Variants in IFT122 observed in about 807,000 individuals in gnomAD.
IFT122 encodes the protein intraflagellar transport 122.
IFT122 carries 118 observed loss-of-function variants against 161.6 expected under a neutral mutation model. The ratio of observed to expected loss-of-function variants is 0.73; its 90% CI spans 0.63 to 0.85. The LOEUF (loss-of-function observed/expected upper bound fraction) is 0.85. IFT122 is among the 40% of genes least tolerant of loss of function. IFT122 has a pLI of 0.00. For synonymous variants in IFT122, 550 were observed against 602.4 expected (o/e 0.91, Z 1.27); for missense variants, 1,381 against 1,579.6 (o/e 0.87, Z 2.13).
chr3:129,484,358 G>T (rs2079032700), intron 15 of IFT122, among the ~76,000 whole-genome samples: 1 of 152,176 alleles, frequency 6.6e-6, no homozygotes, highest in African/African-American at 2.4e-5. Flanking sequence ...AGAAACTGTA[G>T]CCTTCAGCAT....
At chr3:129,477,449 G>A (rs1451725299) in intron 11 of IFT122, among the ~76,000 whole-genome samples, 1 of 152,212 alleles carries the variant, frequency 6.6e-6, no homozygotes, top group Non-Finnish European at 1.5e-5. Flanking sequence ...GATCCAGGTT[G>A]GGGGTTGTCT....
At position 129,520,384 on chromosome 3, in the gene IFT122, G is replaced by GT. The variant is rs1259544816; in HGVS notation, c.*120dup. ...CTTGCCCAGATGAAGTTTGTGTTTT[G>GT]TGGGGGGGGCCTTGTGTAACCACGG... is the stretch of plus-strand genomic sequence containing the variant. On this transcript the variant is annotated 3_prime_UTR_variant, in exon 30 of 30. Transcript: ENST00000348417. 6.0e-6 allele frequency: 5 copies of GT among 836,340 alleles called. No individual in the cohort carries two copies. Among genetic ancestry groups the GT allele is most frequent in the Middle Eastern group, 2.2e-4 (1 of 4,538 alleles). 51.8% of individuals were successfully genotyped at this position (836,340 alleles called of 1,614,324 possible).
chr3:129,504,715 C>T lies in IFT122; in HGVS notation c.2650+294C>T, dbSNP rs73865465. Among the ~76,000 whole-genome samples the T allele has an allele frequency of 0.012, 1,777 of 152,278 alleles. 26 individuals carry two copies. Among genetic ancestry groups the T allele is most frequent in the African/African-American group, 0.04 (1,679 of 41,534 alleles). On this transcript the variant is annotated intron_variant, in intron 21 of 29. Transcript: ENST00000348417. ...TGCTGTGCACTGCAGTGTATCTTCCCGTTTAATCCTCGCAACAGCCCTATG... is the reference window on the plus strand; with the variant it reads ...TGCTGTGCACTGCAGTGTATCTTCCTGTTTAATCCTCGCAACAGCCCTATG...
rs578148039 is a variant in IFT122 at position 129,518,734 on chromosome 3, C to T, written c.3392-373C>T. On this transcript the variant is annotated intron_variant, in intron 27 of 29. Coordinates refer to ENST00000348417, the MANE Select transcript of IFT122 (RefSeq NM_052989.3). ...AGGTGAGTCTGACCCGCCCTGGGGT[C>T]AGCAGGGACTCTCGCCCCTGTCTGC... Among the ~76,000 whole-genome samples, 27 of 152,296 alleles carry T rather than the reference C, an allele frequency of 1.8e-4. No homozygotes were observed. In the South Asian group the frequency reaches 5.4e-3, roughly 30 times the overall value.
At chr3:129,507,586 GCCTGGC>G in intron 22 of IFT122, 76 bp from the exon 23 acceptor site, 2 of 1,026,552 alleles carry the variant, frequency 1.9e-6, no homozygotes, top group Non-Finnish European at 3.1e-6. Flanking sequence ...AAGTACTGTT[GCCTGGC>G]CCCTCCTCCT....
chr3:129,470,851 T>C (rs912950809), intron 9 of IFT122, among the ~76,000 whole-genome samples: 3 of 151,994 alleles, frequency 2.0e-5, no homozygotes, highest in African/African-American at 7.2e-5. Flanking sequence ...ATTACAGGCA[T>C]GAGCTGCCAC....
At chr3:129,492,816 CTTTTTTT>C (rs376279677) in intron 17 of IFT122, among the ~76,000 whole-genome samples, 1 of 125,716 alleles carries the variant, frequency 8.0e-6, no homozygotes, top group South Asian at 2.5e-4. Flanking sequence ...CTTTTTTTTT[CTTTTTTT>C]TTTTTTTTTT....
intron 23 of IFT122, among the ~76,000 whole-genome samples, chr3:129,510,168 C>G (rs1187850247): frequency 6.6e-5 from 10 of 152,192 alleles, no homozygotes; most frequent in Admixed American, 5.9e-4. Context: ...TCAAGTGATC[C>G]TCCTGCCTGA....
chr3:129,519,011 T>C lies in IFT122; in HGVS notation c.3392-96T>C. The stretch of plus-strand genomic sequence containing the variant: ...CACCTGGAAAACTCTTCCACTGGTC[T>C]GGCTGCCCTTGAGTCTTCTCACAGG... On this transcript the variant is annotated intron_variant, in intron 27 of 29. Coordinates refer to ENST00000348417, the MANE Select transcript of IFT122 (RefSeq NM_052989.3). 1.9e-6 allele frequency: 2 copies of C among 1,039,860 alleles called. 1 individual carries two copies. The highest frequency in any genetic ancestry group is 2.5e-5 in the South Asian group (2 of 79,266). 64.4% of individuals were successfully genotyped at this position (1,039,860 alleles called of 1,614,324 possible).
intron 25 of IFT122, 57 bp from the exon 26 acceptor site, chr3:129,515,430 AG>A: frequency 4.3e-6 from 5 of 1,169,612 alleles, no homozygotes; most frequent in Non-Finnish European, 6.2e-6. Flanking sequence ...GCCAGAGTCC[AG>A]GGGGAGGAGG....
intron 9 of IFT122, among the ~76,000 whole-genome samples, chr3:129,474,836 A>T (rs1376778258): frequency 2.0e-5 from 3 of 152,150 alleles, no homozygotes; most frequent in African/African-American, 7.2e-5. Flanking sequence ...CTGATAAAGG[A>T]CTTGTATCTG....
At chr3:129,472,351 A>C (rs1269245884) in intron 9 of IFT122, among the ~76,000 whole-genome samples, 3 of 151,564 alleles carry the variant, frequency 2.0e-5, no homozygotes, top group Non-Finnish European at 4.4e-5. Flanking sequence ...TTTTTGGTAG[A>C]GATAGGGTCT....
intron 2 of IFT122, 70 bp from the exon 3 acceptor site, chr3:129,451,844 A>G (rs2074897047): frequency 4.7e-6 from 6 of 1,280,906 alleles, no homozygotes; most frequent in Admixed American, 1.7e-5. Flanking sequence ...CAAAAATAGC[A>G]GTAGCAACCC....
At position 129,488,257 on chromosome 3, in the gene IFT122, T is replaced by G; in HGVS notation, c.1852T>G (p.Ser618Ala). 1.9e-6 allele frequency: 3 copies of G among 1,614,090 alleles called. No homozygotes were observed. The highest frequency in any genetic ancestry group is 2.5e-6 in the Non-Finnish European group (3 of 1,180,002). Residue 618 changes from serine (S) to alanine (A), a missense_variant and splice_region_variant, in exon 16 of 30, where the codon TCC becomes GCC. This residue lies in a region of IFT122 where 544 missense variants were observed against 648.0 expected (regional missense o/e 0.84). Coordinates refer to ENST00000348417, the MANE Select transcript of IFT122 (RefSeq NM_052989.3). The part of the protein sequence containing the change: ...FSISAVEVPQ[S>A]APMYQYLDRK... ...TTTTTCCCTTGATGAAATCCTGCAG[T>G]CCGCTCCCATGTACCAGTACCTGGA...
intron 12 of IFT122, among the ~76,000 whole-genome samples, chr3:129,478,640 T>A (rs1344411185): frequency 6.6e-6 from 1 of 152,094 alleles, no homozygotes. Flanking sequence ...GACGCGAGGC[T>A]GTACTTTGGG....
rs546420958 is a variant in IFT122, at chr3:129,520,385, TG to T, written c.*128del. 3.7e-5 allele frequency: 30 copies of T among 820,454 alleles called. No homozygotes were observed. The highest frequency in any genetic ancestry group is 8.6e-5 in the South Asian group (6 of 69,898). The allele number at this position is 820,454 out of a possible 1,614,324, so 50.8% of individuals were successfully genotyped here. A position where few individuals can be genotyped will look rare whatever the true frequency, so the allele number is the denominator to read the frequency against. The stretch of plus-strand genomic sequence containing the variant: ...TTGCCCAGATGAAGTTTGTGTTTTG[TG>T]GGGGGGGCCTTGTGTAACCACGGAA... On this transcript the variant is annotated 3_prime_UTR_variant, in exon 30 of 30. Transcript: ENST00000348417.
At chr3:129,478,338 A>G (rs1441021960) in intron 12 of IFT122, 120 bp downstream of exon 12, 2 of 804,900 alleles carry the variant, frequency 2.5e-6, no homozygotes, top group Non-Finnish European at 4.2e-6. Context: ...GTTCCATCAA[A>G]CTAAGTGGTG....
intron 7 of IFT122, among the ~76,000 whole-genome samples, chr3:129,465,465 CTTTTTTTTTT>C (rs61439083): frequency 5.9e-5 from 6 of 101,246 alleles, no homozygotes; most frequent in African/African-American, 2.8e-4. Flanking sequence ...ATTATATGCT[CTTTTTTTTTT>C]TTTTTTTTTT....
intron 15 of IFT122, among the ~76,000 whole-genome samples, chr3:129,485,967 G>A (rs994505760): frequency 1.3e-5 from 2 of 152,242 alleles, no homozygotes; most frequent in African/African-American, 4.8e-5. Context: ...GTTGCCTTTC[G>A]AAATTTACAT....
Sources: gnomAD v4.1 joint callset for allele counts (sites outside exome capture counted in the v4.1 genomes callset) on GRCh38, gnomAD v4.1.1 for gene constraint, gnomAD v4.1.1 regional missense constraint, MANE v1.5 for transcripts, NCBI Gene and HGNC (gene_info 2026-07-23, HGNC 2026-07-21) for gene names.